Variants in PACSIN2 observed in about 807,000 individuals in gnomAD.
PACSIN2 encodes the protein protein kinase C and casein kinase substrate in neurons protein 2.
In PACSIN2, 25 loss-of-function variants were observed where a neutral mutation model predicts 63.8. The ratio of observed to expected loss-of-function variants is 0.39; its 90% CI spans 0.29 to 0.55. The LOEUF (loss-of-function observed/expected upper bound fraction) is 0.55, where lower values mean the gene tolerates loss of function less well. Ranked by LOEUF, PACSIN2 falls within the 20% of genes least tolerant of loss-of-function variation. The pLI, the probability that PACSIN2 is intolerant of heterozygous loss-of-function variation, is 0.62. For synonymous variants in PACSIN2, 255 were observed against 256.2 expected (o/e 1.00, Z 0.05); for missense variants, 518 against 646.9 (o/e 0.80, Z 2.16).
At chr22:42,922,043 T>C (rs888908683) in intron 1 of PACSIN2, among the ~76,000 whole-genome samples, 3 of 152,228 alleles carry the variant, frequency 2.0e-5, no homozygotes, top group Non-Finnish European at 4.4e-5. Flanking sequence ...CCTTTTGTTC[T>C]AAGGGGCACT....
intron 1 of PACSIN2, among the ~76,000 whole-genome samples, chr22:42,982,888 A>AAAAAAAAAAAAAAAAAAAAAAAAC (rs759532303): frequency 1.3e-4 from 14 of 105,158 alleles, no homozygotes; most frequent in Non-Finnish European, 2.3e-4. Flanking sequence ...AAAAAAAAAA[A>AAAAAAAAAAAAAAAAAAAAAAAAC]AACAACAACA....
At chr22:42,903,550 C>T (rs943300219) in intron 2 of PACSIN2, among the ~76,000 whole-genome samples, 8 of 152,182 alleles carry the variant, frequency 5.3e-5, no homozygotes, top group Admixed American at 3.3e-4. Flanking sequence ...TCCTGGTCCC[C>T]AAACTTCCCA....
At chr22:42,877,130 C>T (rs1437422944) in intron 8 of PACSIN2, 120 bp from the exon 9 acceptor site, 18 of 1,066,272 alleles carry the variant, frequency 1.7e-5, no homozygotes, top group African/African-American at 1.1e-4. Context: ...CGGAGGGGAC[C>T]GTGGTGTTTC....
intron 10 of PACSIN2, among the ~76,000 whole-genome samples, chr22:42,874,497 G>A (rs1258185540): frequency 6.6e-6 from 1 of 152,184 alleles, no homozygotes; most frequent in Non-Finnish European, 1.5e-5. Flanking sequence ...GTGCATGGTA[G>A]GTGTGGGCAG....
rs780993454 is a variant in PACSIN2 at position 42,893,584 on chromosome 22, C to G, written c.90G>C (p.Arg30=). 1.2e-6 allele frequency: 2 copies of G among 1,614,028 alleles called. No homozygotes were observed. Among genetic ancestry groups the G allele is most frequent in the South Asian group, 1.1e-5 (1 of 91,076 alleles). The stretch of plus-strand genomic sequence containing the variant: ...TGCACAGGCGGTGGCCATCGTCGAT[C>G]CGCTTCACAGTCCGCTTGTAGTTCC... The part of the protein sequence containing the change: ...EVGNYKRTVK[R]IDDGHRLCSD... The change falls in exon 3 of 11, where the codon CGG becomes CGC. Residue 30 remains arginine (R), a synonymous_variant. Coordinates refer to ENST00000263246, the MANE Select transcript of PACSIN2 (RefSeq NM_001184970.3).
chr22:42,914,229 C>T (rs1339553801), intron 1 of PACSIN2, among the ~76,000 whole-genome samples: 1 of 152,168 alleles, frequency 6.6e-6, no homozygotes, highest in Non-Finnish European at 1.5e-5. Flanking sequence ...CTGATGCCAC[C>T]TCTCACAGTA....
chr22:42,888,616 A>T (rs755096011), intron 5 of PACSIN2, 27 bp downstream of exon 5: 2 of 1,609,934 alleles, frequency 1.2e-6, no homozygotes, highest in South Asian at 1.1e-5. Context: ...GTGACACTCG[A>T]CGTGTAAAAA....
intron 1 of PACSIN2, among the ~76,000 whole-genome samples, chr22:42,990,948 C>T (rs955135516): frequency 2.0e-5 from 3 of 152,306 alleles, no homozygotes; most frequent in South Asian, 2.1e-4. Flanking sequence ...GCCTCAGTTT[C>T]CTCATCTGTA....
chr22:42,876,770 C>T (rs1928663781), intron 9 of PACSIN2, 118 bp downstream of exon 9: 1 of 1,358,542 alleles, frequency 7.4e-7, no homozygotes, highest in African/African-American at 1.4e-5. Context: ...GCCAGGTGCC[C>T]ACTTCCTGCA....
intron 1 of PACSIN2, among the ~76,000 whole-genome samples, chr22:42,917,099 G>A (rs184299549): frequency 5.3e-5 from 8 of 152,126 alleles, no homozygotes; most frequent in Admixed American, 1.3e-4. Flanking sequence ...CACTACACGC[G>A]TGCACTCCAT....
intron 1 of PACSIN2, 100 bp downstream of exon 1, chr22:43,014,921 G>A (rs986127776): frequency 1.3e-4 from 20 of 149,646 alleles, no homozygotes; most frequent in African/African-American, 4.1e-4. Flanking sequence ...CGGCGCGGCG[G>A]CCCTGACGGG....
At chr22:42,943,301 G>T (rs1043903022) in intron 1 of PACSIN2, among the ~76,000 whole-genome samples, 7 of 152,090 alleles carry the variant, frequency 4.6e-5, no homozygotes, top group African/African-American at 1.7e-4. Context: ...GATTCCTTAT[G>T]ATTTTCTTTA....
chr22:43,009,617 A>C (rs1421773990), intron 1 of PACSIN2, among the ~76,000 whole-genome samples: 4 of 152,218 alleles, frequency 2.6e-5, no homozygotes, highest in African/African-American at 9.6e-5. Context: ...CCCAGACCTC[A>C]GGGTTGGTCA....
intron 1 of PACSIN2, among the ~76,000 whole-genome samples, chr22:42,929,428 T>C (rs1932730485): frequency 6.6e-6 from 1 of 152,246 alleles, no homozygotes; most frequent in Admixed American, 6.5e-5. Flanking sequence ...TTGAAGATGC[T>C]GTCAATAGCT....
intron 1 of PACSIN2, among the ~76,000 whole-genome samples, chr22:42,964,928 C>A (rs973284576): frequency 5.9e-5 from 9 of 152,144 alleles, no homozygotes; most frequent in African/African-American, 2.2e-4. Context: ...AAGATTCCCC[C>A]AAATCTGGTT....
rs1413362179 is a variant in PACSIN2 at position 43,014,679 on chromosome 22, G to A, written c.-78+342C>T. 1.4e-3 allele frequency among the ~76,000 whole-genome samples: 206 copies of A among 145,272 alleles called. 2 individuals are homozygous for A. Among genetic ancestry groups the A allele is most frequent in the Non-Finnish European group, 1.6e-3 (106 of 66,166 alleles). Reference sequence around the variant, plus strand: ...TCATTAGCAGCTCTTAACCCCCGACGGCCCTGCTCCTGCACTTCCCTCTCC... The same window carrying A: ...TCATTAGCAGCTCTTAACCCCCGACAGCCCTGCTCCTGCACTTCCCTCTCC... On this transcript the variant is annotated intron_variant, in intron 1 of 10. Coordinates refer to ENST00000263246, the MANE Select transcript of PACSIN2 (RefSeq NM_001184970.3).
At position 42,986,976 on chromosome 22, in the gene PACSIN2, C is replaced by G. The variant is rs2146896307; in HGVS notation, c.-78+28045G>C. On this transcript the variant is annotated intron_variant, in intron 1 of 10. Coordinates refer to ENST00000263246, the MANE Select transcript of PACSIN2 (RefSeq NM_001184970.3). ...TTTATTGGATGTAAATCACACATACCTACACGCACACATACATAGATACTC... is the reference window on the plus strand; with the variant it reads ...TTTATTGGATGTAAATCACACATACGTACACGCACACATACATAGATACTC... Among the ~76,000 whole-genome samples, 3 of 152,202 alleles carry G rather than the reference C, an allele frequency of 2.0e-5. No individual in the cohort carries two copies. The South Asian group carries it at 6.2e-4, about 32-fold the overall frequency.
In PACSIN2 at chr22:42,879,143, G is replaced by C; in HGVS notation, c.933C>G (p.Thr311=). Reference sequence around the variant, plus strand: ...CCTTCTTCTTCTCTCTCCGGCTGAGGGTTCGATTCAGGTCTGCGGACCACT... The same window carrying C: ...CCTTCTTCTTCTCTCTCCGGCTGAGCGTTCGATTCAGGTCTGCGGACCACT... ...FEEWSADLNR[T]LSRREKKKAT... The change falls in exon 8 of 11, where the codon ACC becomes ACG. Residue 311 remains threonine (T), a synonymous_variant. Coordinates refer to ENST00000263246, the MANE Select transcript of PACSIN2 (RefSeq NM_001184970.3). 6.2e-7 allele frequency: 1 copy of C among 1,614,016 alleles called. No individual in the cohort carries two copies. Among genetic ancestry groups the C allele is most frequent in the Admixed American group, 1.7e-5 (1 of 60,010 alleles).
Position 42,947,986 on chromosome 22 carries a change from C to A in PACSIN2, c.-77-35829G>T, listed in dbSNP as rs561900191. ...ACTTGAACAACCTCCTCCAACACAG[C>A]GGCCAAGAGCTAGGAAACAGTTCTG... On this transcript the variant is annotated intron_variant, in intron 1 of 10. Coordinates refer to ENST00000263246, the MANE Select transcript of PACSIN2 (RefSeq NM_001184970.3). Among the ~76,000 whole-genome samples, 41 of 152,286 alleles carry A rather than the reference C, an allele frequency of 2.7e-4. No individual in the cohort carries two copies. In the South Asian group the frequency reaches 8.3e-3, roughly 31 times the overall value.
Sources: gnomAD v4.1 joint callset for allele counts (sites outside exome capture counted in the v4.1 genomes callset) on GRCh38, gnomAD v4.1.1 for gene constraint, MANE v1.5 for transcripts, NCBI Gene and HGNC (gene_info 2026-07-23, HGNC 2026-07-21) for gene names.